Variants in PTPRE observed in about 807,000 individuals in gnomAD.
PTPRE encodes the protein receptor-type tyrosine-protein phosphatase epsilon.
PTPRE carries 51 observed loss-of-function variants against 102.0 expected under a neutral mutation model. That is an observed-to-expected ratio of 0.50 (90% CI 0.40 to 0.63). The LOEUF is 0.63. Among genes scored for constraint, PTPRE ranks in the 30% least tolerant of loss-of-function variants. The pLI is 0.00. For missense variants in PTPRE, 752 were observed against 915.1 expected (o/e 0.82, Z 2.30); for synonymous variants, 345 against 348.2 (o/e 0.99, Z 0.10).
Position 128,054,393 on chromosome 10 carries a change from A to G in PTPRE, c.421-1730A>G, listed in dbSNP as rs150646797. On this transcript the variant is annotated intron_variant, in intron 6 of 20. Coordinates refer to ENST00000254667, the MANE Select transcript of PTPRE (RefSeq NM_006504.6). ...AAGCTTTTGCGGGTAGAAAAAGAGA[A>G]GGCTCTAGAATTTTACCACAGATGT... 9.2e-5 allele frequency among the ~76,000 whole-genome samples: 14 copies of G among 152,204 alleles called. No individual in the cohort carries two copies. In the East Asian group the frequency reaches 2.7e-3, roughly 30 times the overall value.
intron 1 of PTPRE, among the ~76,000 whole-genome samples, chr10:127,919,923 T>A (rs546795494): frequency 1.7e-4 from 26 of 152,180 alleles, no homozygotes; most frequent in African/African-American, 6.0e-4. Flanking sequence ...CAGTGGATTT[T>A]TTTTTTTTCC....
At chr10:127,965,700 T>C (rs1850192992) in intron 1 of PTPRE, among the ~76,000 whole-genome samples, 1 of 152,216 alleles carries the variant, frequency 6.6e-6, no homozygotes, top group Non-Finnish European at 1.5e-5. Flanking sequence ...TTGTGCTGAG[T>C]GTGGAGCCCC....
At chr10:128,033,112 C>G (rs900929569) in intron 2 of PTPRE, among the ~76,000 whole-genome samples, 8 of 152,190 alleles carry the variant, frequency 5.3e-5, no homozygotes, top group Non-Finnish European at 1.2e-4. Flanking sequence ...AAGAGATCAT[C>G]AGTATTCACT....
intron 1 of PTPRE, among the ~76,000 whole-genome samples, chr10:127,931,588 A>G (rs1450127343): frequency 1.3e-5 from 2 of 152,200 alleles, no homozygotes; most frequent in Non-Finnish European, 2.9e-5. Context: ...CCCCCTTCCC[A>G]GGAGCAGCAA....
At chr10:127,969,256 C>A (rs1850501824) in intron 1 of PTPRE, among the ~76,000 whole-genome samples, 2 of 152,346 alleles carry the variant, frequency 1.3e-5, no homozygotes, top group South Asian at 4.1e-4. Flanking sequence ...AAAGGGCAAG[C>A]CTGGAGTGAC....
chr10:128,079,345 T>A (rs544262406), intron 19 of PTPRE, among the ~76,000 whole-genome samples: 1 of 152,352 alleles, frequency 6.6e-6, no homozygotes, highest in Non-Finnish European at 1.5e-5. Flanking sequence ...ATCGGTCTCC[T>A]GTAATTAGGG....
chr10:127,911,425 A>C (rs1359081139), intron 1 of PTPRE, among the ~76,000 whole-genome samples: 1 of 152,220 alleles, frequency 6.6e-6, no homozygotes, highest in Non-Finnish European at 1.5e-5. Context: ...CTGCAAAAGC[A>C]AACGAAACCC....
rs768888606 is a variant in PTPRE at position 128,028,081 on chromosome 10, C to T, written c.-7-12794C>T. Among the ~76,000 whole-genome samples, 2 of 152,316 alleles carry T rather than the reference C, an allele frequency of 1.3e-5. No homozygotes were observed. Among genetic ancestry groups the T allele is most frequent in the East Asian group, 1.9e-4 (1 of 5,178 alleles). The stretch of plus-strand genomic sequence containing the variant: ...GGGGCGTGGGAGTCTCCAGAGGCAG[C>T]GAGCCCAGGACACTGATGGTGCAGA... On this transcript the variant is annotated intron_variant, in intron 2 of 20. Coordinates refer to ENST00000254667, the MANE Select transcript of PTPRE (RefSeq NM_006504.6). This position sits in a 1 kb window ranked among gnomAD's most constrained non-coding sequence, Gnocchi z 4.5.
chr10:127,971,543 G>A (rs1249813871), intron 1 of PTPRE, among the ~76,000 whole-genome samples: 2 of 152,246 alleles, frequency 1.3e-5, no homozygotes, highest in Non-Finnish European at 2.9e-5. Context: ...TGGCCTTGCT[G>A]TCCTCGCAGG....
intron 11 of PTPRE, among the ~76,000 whole-genome samples, chr10:128,066,634 G>C (rs994103607): frequency 6.6e-6 from 1 of 152,226 alleles, no homozygotes; most frequent in Non-Finnish European, 1.5e-5. Context: ...GTTTAAGAGA[G>C]AGATCAGTAA....
intron 1 of PTPRE, among the ~76,000 whole-genome samples, chr10:127,977,042 T>C (rs1258733691): frequency 6.6e-6 from 1 of 152,200 alleles, no homozygotes; most frequent in East Asian, 1.9e-4. Context: ...GGAGTAATGA[T>C]CCTGCTCTTT....
At chr10:127,952,462 A>C (rs954760226) in intron 1 of PTPRE, among the ~76,000 whole-genome samples, 28 of 152,148 alleles carry the variant, frequency 1.8e-4, no homozygotes, top group South Asian at 8.3e-4. Flanking sequence ...TTAGGTCATA[A>C]GTCAAATACT....
intron 1 of PTPRE, among the ~76,000 whole-genome samples, chr10:127,979,300 T>C (rs1449230059): frequency 1.3e-5 from 2 of 152,204 alleles, no homozygotes; most frequent in African/African-American, 4.8e-5. Flanking sequence ...AACCCCCAGC[T>C]TTTAAATGTG....
intron 1 of PTPRE, among the ~76,000 whole-genome samples, chr10:127,952,262 C>A (rs1368690059): frequency 6.6e-6 from 1 of 152,110 alleles, no homozygotes; most frequent in African/African-American, 2.4e-5. Context: ...CTTAGGTCAG[C>A]AAAACTACAG....
Position 127,957,446 on chromosome 10 carries a change from G to C in PTPRE, c.-30-24828G>C, listed in dbSNP as rs185712095. Among the ~76,000 whole-genome samples the C allele has an allele frequency of 9.9e-5, 15 of 152,212 alleles. No individual in the cohort carries two copies. In the East Asian group the frequency reaches 2.9e-3, roughly 29 times the overall value. On this transcript the variant is annotated intron_variant, in intron 1 of 20. Transcript: ENST00000254667. The stretch of plus-strand genomic sequence containing the variant: ...TTTTTTCCTTCAGATTTGTTACATA[G>C]ATAATCATGTAATCTGTGAACAAGA...
At chr10:127,961,059 C>T (rs908908420) in intron 1 of PTPRE, among the ~76,000 whole-genome samples, 5 of 151,858 alleles carry the variant, frequency 3.3e-5, no homozygotes, top group African/African-American at 1.2e-4. Flanking sequence ...TTCCCACTCA[C>T]CCTTCCTCTC....
intron 1 of PTPRE, among the ~76,000 whole-genome samples, chr10:127,947,366 A>T (rs574441212): frequency 6.6e-6 from 1 of 152,188 alleles, no homozygotes; most frequent in Non-Finnish European, 1.5e-5. Flanking sequence ...ACCTCCCCTG[A>T]TTGTCTTCTT....
At chr10:127,909,550 T>C (rs79278044) in intron 1 of PTPRE, among the ~76,000 whole-genome samples, 5,427 of 152,316 alleles carry the variant, frequency 0.036, 137 homozygotes, top group Middle Eastern at 0.085. Context: ...AAATGCCCCT[T>C]GACTCAATGC....
chr10:128,070,465 C>T lies in PTPRE; in HGVS notation c.1293+15C>T, dbSNP rs375938982. The T allele has an allele frequency of 3.3e-4, 538 of 1,609,464 alleles. 1 individual carries two copies. Among genetic ancestry groups the T allele is most frequent in the Non-Finnish European group, 4.0e-4 (476 of 1,178,186 alleles). ...AGGAGTTCAGGGTGAGTACAGCTGA[C>T]CCTCCTCTCCATCCTGGTGTAAGCA... On this transcript the variant is annotated intron_variant, in intron 14 of 20. Coordinates refer to ENST00000254667, the MANE Select transcript of PTPRE (RefSeq NM_006504.6). The surrounding 1 kb of genome is among the most constrained non-coding windows in gnomAD (Gnocchi z 4.8).
Sources: allele counts gnomAD v4.1 joint callset (sites outside exome capture counted in the v4.1 genomes callset), GRCh38; gene constraint gnomAD v4.1.1; non-coding constraint Gnocchi (gnomAD v3.1); transcripts MANE v1.5; gene names NCBI Gene and HGNC (gene_info 2026-07-23, HGNC 2026-07-21).